Variants in DYNC2I1 observed in about 807,000 individuals in gnomAD.
The protein encoded by DYNC2I1 is dynein 2 intermediate chain 1.
In DYNC2I1, 89 loss-of-function variants were observed where a neutral mutation model predicts 133.4. The ratio of observed to expected loss-of-function variants is 0.67; its 90% CI spans 0.56 to 0.80. The LOEUF (loss-of-function observed/expected upper bound fraction) is 0.80. Among genes scored for constraint, DYNC2I1 ranks in the 30% least tolerant of loss-of-function variants. The probability of loss-of-function intolerance (pLI) is 0.00; values close to 1 mark genes in which losing one functional copy is unlikely to be tolerated. For synonymous variants in DYNC2I1, 504 were observed against 484.3 expected, an observed-to-expected ratio of 1.04 and a Z score of -0.54; for missense variants, 1,291 against 1,314.5, an observed-to-expected ratio of 0.98 and a Z score of 0.28.
intron 5 of DYNC2I1, among the ~76,000 whole-genome samples, chr7:158,880,279 G>A (rs1463662230): frequency 6.6e-6 from 1 of 152,186 alleles, no homozygotes; most frequent in Non-Finnish European, 1.5e-5. Flanking sequence ...GCTCATGCCT[G>A]TCATCCCAGC....
downstream of DYNC2I1, among the ~76,000 whole-genome samples, chr7:158,957,479 T>A (rs527238388): frequency 5.3e-5 from 8 of 152,350 alleles, no homozygotes; most frequent in East Asian, 1.2e-3. Flanking sequence ...AGGTAGCTCC[T>A]GAACAGAATA....
Position 158,871,131 on chromosome 7 carries a change from T to C in DYNC2I1, c.70-11T>C, listed in dbSNP as rs764675807. On this transcript the variant is annotated splice_polypyrimidine_tract_variant and intron_variant, in intron 2 of 24. Transcript: ENST00000407559. ...CCTGGTCACGGAGGACCCTTTGTTC[T>C]CTTGTTTCAGGCCATACAGTCAGGT... 6.2e-7 allele frequency: 1 copy of C among 1,603,560 alleles called. No individual in the cohort carries two copies. The highest frequency in any genetic ancestry group is 8.5e-7 in the Non-Finnish European group (1 of 1,175,744).
intron 1 of DYNC2I1, among the ~76,000 whole-genome samples, chr7:158,867,174 A>G (rs1166551105): frequency 6.6e-6 from 1 of 152,152 alleles, no homozygotes; most frequent in East Asian, 1.9e-4. Context: ...TAGGTTTATC[A>G]TTAAGCTCTG....
chr7:158,917,275 G>T (rs201270529), intron 14 of DYNC2I1, among the ~76,000 whole-genome samples: 1 of 120,186 alleles, frequency 8.3e-6, no homozygotes, highest in Non-Finnish European at 1.9e-5. Flanking sequence ...ATTGTGAAAC[G>T]TCGACATGCT....
the DYNC2I1 span, among the ~76,000 whole-genome samples, chr7:158,851,473 A>G: frequency 1.4e-3 from 216 of 152,020 alleles, no homozygotes; most frequent in Non-Finnish European, 2.7e-3. Context: ...AGTGAGCTGA[A>G]ATTGCACCAT....
intron 8 of DYNC2I1, among the ~76,000 whole-genome samples, chr7:158,893,915 T>C (rs1022362814): frequency 6.6e-6 from 1 of 151,518 alleles, no homozygotes; most frequent in Non-Finnish European, 1.5e-5. Flanking sequence ...TACCGCATAT[T>C]ATACCATCTA....
chr7:158,898,586 T>C (rs1845950236), intron 8 of DYNC2I1, among the ~76,000 whole-genome samples: 1 of 152,218 alleles, frequency 6.6e-6, no homozygotes, highest in South Asian at 2.1e-4. Context: ...GCATGGTATA[T>C]TTTTCTTCAT....
At chr7:158,871,892 C>T (rs1362067745) in intron 3 of DYNC2I1, among the ~76,000 whole-genome samples, 1 of 152,178 alleles carries the variant, frequency 6.6e-6, no homozygotes, top group Non-Finnish European at 1.5e-5. Context: ...TTGAAATGTT[C>T]ATTTGTTATT....
chr7:158,953,492 A>G (rs1852114662), intron 4 of DYNC2I1, among the ~76,000 whole-genome samples: 1 of 152,226 alleles, frequency 6.6e-6, no homozygotes, highest in African/African-American at 2.4e-5. Flanking sequence ...AATATAACCT[A>G]TCATAATCCC....
intron 4 of DYNC2I1, among the ~76,000 whole-genome samples, chr7:158,952,577 C>T (rs1048836064): frequency 6.6e-6 from 1 of 151,560 alleles, no homozygotes; most frequent in African/African-American, 2.4e-5. Context: ...AAAAAAATAT[C>T]CTAAGGGAAT....
chr7:158,852,050 C>T (rs1841070703), upstream of DYNC2I1, among the ~76,000 whole-genome samples: 1 of 152,170 alleles, frequency 6.6e-6, no homozygotes, highest in Non-Finnish European at 1.5e-5. Context: ...GGCCAGTGCC[C>T]TGCTAACCCT....
chr7:158,872,362 G>A (rs942059306), intron 3 of DYNC2I1, among the ~76,000 whole-genome samples: 5 of 152,210 alleles, frequency 3.3e-5, no homozygotes, highest in African/African-American at 1.2e-4. Context: ...GCTGGGCGCG[G>A]TGGCTCACGC....
At position 158,871,317 on chromosome 7, in the gene DYNC2I1, G is replaced by C. The variant is rs747257736; in HGVS notation, c.245G>C (p.Gly82Ala). 20 of 1,564,532 alleles carry C rather than the reference G, an allele frequency of 1.3e-5. No homozygotes were observed. The South Asian group carries it at 2.0e-4, about 16-fold the overall frequency. Residue 82 changes from glycine to alanine, a missense_variant, in exon 3 of 25, where the codon GGG becomes GCG. Transcript: ENST00000407559. The stretch of plus-strand genomic sequence containing the variant: ...CACACCGCTAAGGAGAGTCCTCGTG[G>C]GGAGAGGGACAGAGACAGACAGAGG... ...EVHTAKESPR[G>A]ERDRDRQRER... is the part of the protein sequence containing the mutation.
chr7:158,949,804 T>G (rs1193096950), downstream of DYNC2I1, among the ~76,000 whole-genome samples: 3 of 150,610 alleles, frequency 2.0e-5, no homozygotes, highest in East Asian at 3.9e-4. Flanking sequence ...GGAGTTTCGC[T>G]CTCCTTGTCT....
chr7:158,889,173 C>T (rs1187691982), intron 7 of DYNC2I1, among the ~76,000 whole-genome samples: 5 of 151,524 alleles, frequency 3.3e-5, no homozygotes, highest in African/African-American at 7.3e-5. Flanking sequence ...CTCTGCCTCC[C>T]GGGTTCACGC....
chr7:158,906,401 G>A (rs961688762), intron 11 of DYNC2I1, among the ~76,000 whole-genome samples: 1 of 151,768 alleles, frequency 6.6e-6, no homozygotes, highest in Admixed American at 6.6e-5. Flanking sequence ...TAAAGTCAAG[G>A]GTCTATTATA....
In DYNC2I1 at chr7:158,923,770, GA is replaced by G. The variant is rs760874725; in HGVS notation, c.2257+41del. On this transcript the variant is annotated intron_variant, in intron 17 of 24. Coordinates refer to ENST00000407559, the MANE Select transcript of DYNC2I1 (RefSeq NM_018051.5). ...CTGCCTGCCAATTGTGTGTCTGCTA[GA>G]AAAGCCACACGGATTTGAGGAACAA... 47 of 1,583,106 alleles carry G rather than the reference GA, an allele frequency of 3.0e-5. No individual in the cohort carries two copies. In the South Asian group the frequency reaches 5.3e-4, roughly 18 times the overall value.
At chr7:158,946,678 G>A (rs1373702572), downstream of DYNC2I1, among the ~76,000 whole-genome samples, 5 of 152,220 alleles carry the variant, frequency 3.3e-5, no homozygotes, top group African/African-American at 9.7e-5. Flanking sequence ...AATGTTGGAG[G>A]GACACACACA....
chr7:158,856,528 C>A (rs1282643043), upstream of DYNC2I1: 4 of 439,324 alleles, frequency 9.1e-6, no homozygotes, highest in East Asian at 7.2e-5. Context: ...CTGCCAGGTG[C>A]TAAAAATGCC....
Sources: allele counts gnomAD v4.1 joint callset (sites outside exome capture counted in the v4.1 genomes callset), GRCh38; gene constraint gnomAD v4.1.1; transcripts MANE v1.5; gene names NCBI Gene and HGNC (gene_info 2026-07-23, HGNC 2026-07-21).